The following PRLR variants were observed in gnomAD, a reference collection of about 807,000 sequenced individuals.
PRLR encodes hPRL receptor.
A neutral mutation model predicts 40.2 loss-of-function variants in PRLR; 13 were observed. That is an observed-to-expected ratio of 0.32 (90% CI 0.21 to 0.51). The LOEUF is 0.51. PRLR is among the 20% of genes least tolerant of loss of function. The pLI, the probability that PRLR is intolerant of heterozygous loss-of-function variation, is 0.97. For missense variants in PRLR, 656 were observed against 747.3 expected, an observed-to-expected ratio of 0.88 and a Z score of 1.42; for synonymous variants, 269 against 278.7, an observed-to-expected ratio of 0.97 and a Z score of 0.35.
chr5:35,113,654 A>G (rs577597531), intron 2 of PRLR, among the ~76,000 whole-genome samples: 1 of 152,358 alleles, frequency 6.6e-6, no homozygotes, highest in African/African-American at 2.4e-5. Flanking sequence ...TTTTGCTGAA[A>G]CAAACCTCCT....
At chr5:35,193,751 A>T (rs1775665956) in intron 1 of PRLR, among the ~76,000 whole-genome samples, 1 of 152,166 alleles carries the variant, frequency 6.6e-6, no homozygotes, top group African/African-American at 2.4e-5. Context: ...CTGCCGCATC[A>T]TCCTCTCACA....
chr5:35,108,137 C>T (rs1772395883), intron 2 of PRLR, among the ~76,000 whole-genome samples: 3 of 152,136 alleles, frequency 2.0e-5, no homozygotes, highest in Non-Finnish European at 2.9e-5. Flanking sequence ...ATGATTATCT[C>T]AATAGATGCA....
intron 1 of PRLR, among the ~76,000 whole-genome samples, chr5:35,177,147 C>T (rs140121018): frequency 0.015 from 2,216 of 152,298 alleles, 58 homozygotes; most frequent in African/African-American, 0.052. Context: ...CCTGACACCT[C>T]CCCCTCTTCG....
intron 3 of PRLR, among the ~76,000 whole-genome samples, chr5:35,088,173 A>C (rs1487275832): frequency 6.6e-6 from 1 of 152,192 alleles, no homozygotes; most frequent in East Asian, 1.9e-4. Context: ...ACACCAGGCT[A>C]GTAGTGTCAG....
chr5:35,058,263 T>C lies in PRLR; in HGVS notation c.*6826A>G, dbSNP rs575662535. 54 of 152,272 alleles carry C rather than the reference T, an allele frequency of 3.5e-4. No homozygotes were observed. The highest frequency in any genetic ancestry group is 1.2e-3 in the African/African-American group (51 of 41,564). The allele number at this position is 152,272 out of a possible 1,614,324, so 9.4% of individuals were successfully genotyped here. A position where few individuals can be genotyped will look rare whatever the true frequency, so the allele number is the denominator to read the frequency against. On this transcript the variant is annotated 3_prime_UTR_variant, in exon 10 of 10. Coordinates refer to ENST00000618457, the MANE Select transcript of PRLR (RefSeq NM_000949.7). Reference sequence around the variant, plus strand: ...GCAGAGGTAGTGGTAGCTTTGAAAATGTGGAACCTTATGCTATTATGTATA... The same window carrying C: ...GCAGAGGTAGTGGTAGCTTTGAAAACGTGGAACCTTATGCTATTATGTATA...
chr5:35,116,802 C>T (rs1057377372), intron 2 of PRLR, among the ~76,000 whole-genome samples: 1 of 152,150 alleles, frequency 6.6e-6, no homozygotes, highest in African/African-American at 2.4e-5. Context: ...ACTTCTTCTG[C>T]AAGTATTTGC....
chr5:35,113,432 T>TCCAC (rs1351487284), intron 2 of PRLR, among the ~76,000 whole-genome samples: 1 of 113,790 alleles, frequency 8.8e-6, no homozygotes, highest in Admixed American at 8.3e-5. Context: ...CACCCATCCA[T>TCCAC]CCACCCACCC....
chr5:35,070,223 G>A lies in PRLR; in HGVS notation c.586C>T (p.Leu196=), dbSNP rs370907111. The change falls in exon 7 of 10, where the codon CTA becomes TTA. Residue 196 remains leucine, a synonymous_variant. Transcript: ENST00000618457. ...ACAAGGTATTTCTGTCCTGGATGTA[G>A]GCTGAGAATCTTAAACTCTGTTTGC... ...GQQTEFKILS[L]HPGQKYLVQV... is the part of the protein sequence containing the mutation. 1.2e-6 allele frequency: 2 copies of A among 1,614,008 alleles called. No homozygotes were observed. The highest frequency in any genetic ancestry group is 1.3e-5 in the African/African-American group (1 of 74,914).
intron 1 of PRLR, among the ~76,000 whole-genome samples, chr5:35,133,774 C>A (rs1408843585): frequency 6.6e-6 from 1 of 152,132 alleles, no homozygotes; most frequent in African/African-American, 2.4e-5. Flanking sequence ...CTGTGGGCTA[C>A]CAAAAATACA....
intron 2 of PRLR, among the ~76,000 whole-genome samples, chr5:35,104,483 G>A (rs951537367): frequency 4.7e-5 from 7 of 148,606 alleles, no homozygotes; most frequent in Non-Finnish European, 7.4e-5. Flanking sequence ...AAGGGAAGCC[G>A]TGACAGACAG....
At chr5:35,199,761 A>C (rs1050505479) in intron 1 of PRLR, among the ~76,000 whole-genome samples, 2 of 152,218 alleles carry the variant, frequency 1.3e-5, no homozygotes, top group African/African-American at 4.8e-5. Context: ...TATATATTTC[A>C]ATTTCCATAA....
intron 1 of PRLR, among the ~76,000 whole-genome samples, chr5:35,120,815 C>T (rs1045735491): frequency 1.3e-5 from 2 of 152,152 alleles, no homozygotes; most frequent in African/African-American, 4.8e-5. Flanking sequence ...CAAATTCTGT[C>T]ACATAAAGCA....
At chr5:35,149,975 C>T (rs1194610314) in intron 1 of PRLR, among the ~76,000 whole-genome samples, 1 of 152,176 alleles carries the variant, frequency 6.6e-6, no homozygotes, top group Non-Finnish European at 1.5e-5. Flanking sequence ...TCTCCTGCCT[C>T]AGCCTCCCAA....
intron 1 of PRLR, among the ~76,000 whole-genome samples, chr5:35,179,017 C>A (rs981105997): frequency 2.0e-5 from 3 of 152,150 alleles, no homozygotes; most frequent in Non-Finnish European, 4.4e-5. Context: ...AACATAAATT[C>A]TTTTGTTGAT....
In PRLR at chr5:35,060,757, G is replaced by A. The variant is rs1014201118; in HGVS notation, c.*4332C>T. 1.3e-5 allele frequency: 2 copies of A among 152,200 alleles called. No individual in the cohort carries two copies. The highest frequency in any genetic ancestry group is 2.9e-5 in the Non-Finnish European group (2 of 68,034). 9.4% of individuals were successfully genotyped at this position (152,200 alleles called of 1,614,324 possible). A position where few individuals can be genotyped will look rare whatever the true frequency, so the allele number is the denominator to read the frequency against. The stretch of plus-strand genomic sequence containing the variant: ...AGACTTTCGTCAATGGCACATCTAC[G>A]TTAGCAATGCTTGGGATGGTAATTC... On this transcript the variant is annotated 3_prime_UTR_variant, in exon 10 of 10. Coordinates refer to ENST00000618457, the MANE Select transcript of PRLR (RefSeq NM_000949.7).
intron 2 of PRLR, among the ~76,000 whole-genome samples, chr5:35,094,080 T>C (rs79134525): frequency 0.016 from 2,363 of 152,300 alleles, 74 homozygotes; most frequent in African/African-American, 0.055. Flanking sequence ...TTCTGCTCAA[T>C]GAAGTATCAC....
chr5:35,050,785 C>G (rs747763141), downstream of PRLR, among the ~76,000 whole-genome samples: 5 of 152,158 alleles, frequency 3.3e-5, no homozygotes, highest in Non-Finnish European at 5.9e-5. Flanking sequence ...AATTCTTTCC[C>G]TCTCTTAACT....
At chr5:35,222,076 G>T (rs1159322531) in intron 1 of PRLR, among the ~76,000 whole-genome samples, 1 of 152,142 alleles carries the variant, frequency 6.6e-6, no homozygotes, top group East Asian at 1.9e-4. Context: ...AGGCCAAGGC[G>T]GGCAGATCAG....
At chr5:35,078,940 A>G (rs143460517) in intron 5 of PRLR, among the ~76,000 whole-genome samples, 15,706 of 152,246 alleles carry the variant, frequency 0.1, 1,330 homozygotes, top group African/African-American at 0.23. Context: ...TCATAGAAAC[A>G]GAACCAAAGA....
Sources: allele counts gnomAD v4.1 joint callset (sites outside exome capture counted in the v4.1 genomes callset), GRCh38; gene constraint gnomAD v4.1.1; transcripts MANE v1.5; gene names NCBI Gene and HGNC (gene_info 2026-07-23, HGNC 2026-07-21).